The following SYT10 variants were observed in gnomAD, a reference collection of about 807,000 sequenced individuals.
The protein encoded by SYT10 is synaptotagmin-10.
A neutral mutation model predicts 51.1 loss-of-function variants in SYT10; 31 were observed. The observed-to-expected ratio is 0.61, with a 90% CI of 0.46 to 0.82. The LOEUF is 0.82. Ranked by LOEUF, SYT10 falls within the 40% of genes least tolerant of loss-of-function variation. SYT10 has a pLI of 0.00. For synonymous variants in SYT10, 233 were observed against 225.9 expected (o/e 1.03, Z -0.28); for missense variants, 603 against 634.0 (o/e 0.95, Z 0.53).
intron 2 of SYT10, chr12:33,424,089 G>A (rs1866529007): frequency 2.3e-6 from 1 of 433,728 alleles, no homozygotes; most frequent in African/African-American, 2.0e-5. Context: ...GTGTGTTGCA[G>A]TTTTTCCTCT....
intron 2 of SYT10, among the ~76,000 whole-genome samples, chr12:33,412,037 C>T (rs1866410835): frequency 6.6e-6 from 1 of 152,040 alleles, no homozygotes; most frequent in South Asian, 2.1e-4. Flanking sequence ...AAATCACTTT[C>T]AGTTATGCAA....
In SYT10 at chr12:33,423,335, TTA is replaced by T. The variant is rs942381990; in HGVS notation, c.509+2801_509+2802del. On this transcript the variant is annotated intron_variant, in intron 2 of 6. Transcript: ENST00000228567. ...GTGTGTGTGTGTGCATCTGTGTGTG[TTA>T]TGTGTGTGTGTGTGCGTGCCTGTGC... 6.6e-3 allele frequency among the ~76,000 whole-genome samples: 996 copies of T among 151,614 alleles called. 10 individuals are homozygous for T. Among genetic ancestry groups the T allele is most frequent in the African/African-American group, 0.022 (913 of 41,348 alleles).
chr12:33,403,517 G>A (rs548521510), intron 3 of SYT10, among the ~76,000 whole-genome samples: 67 of 152,276 alleles, frequency 4.4e-4, no homozygotes, highest in African/African-American at 1.5e-3. Context: ...TTACAGGCAT[G>A]AGCCACTGTG....
intron 3 of SYT10, among the ~76,000 whole-genome samples, chr12:33,385,671 A>G (rs750670953): frequency 6.6e-6 from 1 of 152,178 alleles, no homozygotes; most frequent in Non-Finnish European, 1.5e-5. Flanking sequence ...TCCTCACCCT[A>G]TGAGCAACCC....
intron 3 of SYT10, among the ~76,000 whole-genome samples, chr12:33,390,476 T>C (rs778868952): frequency 6.6e-6 from 1 of 152,172 alleles, no homozygotes; most frequent in Non-Finnish European, 1.5e-5. Context: ...ACATGACACA[T>C]GTGGCCCCTA....
intron 5 of SYT10, among the ~76,000 whole-genome samples, chr12:33,382,088 A>G (rs1188429380): frequency 2.0e-5 from 3 of 152,194 alleles, no homozygotes; most frequent in South Asian, 2.1e-4. Flanking sequence ...ACTCCACAAT[A>G]GTGCTTTCTT....
intron 2 of SYT10, 119 bp from the exon 3 acceptor site, chr12:33,407,475 A>G (rs542767662): frequency 7.0e-6 from 7 of 1,002,808 alleles, no homozygotes; most frequent in South Asian, 1.7e-5. Context: ...CTATATCTAC[A>G]TAGATAGACA....
chr12:33,381,111 G>C (rs1246793016), intron 5 of SYT10, among the ~76,000 whole-genome samples: 1 of 152,128 alleles, frequency 6.6e-6, no homozygotes, highest in Non-Finnish European at 1.5e-5. Flanking sequence ...ATCAATAGGG[G>C]TAATTGGCAA....
In SYT10 at chr12:33,426,368, G is replaced by A. The variant is rs1866552618; in HGVS notation, c.279C>T (p.Ile93=). Residue 93 remains isoleucine, a synonymous_variant, in exon 2 of 7, where the codon ATC becomes ATT. Transcript: ENST00000228567. ...CWKSKPVTSN[I]TTLPQSISSA... ...TTGAAATGCTCTGTGGAAGCGTAGT[G>A]ATGTTGGAAGTCACAGGTTTGCTTT... 6.2e-7 allele frequency: 1 copy of A among 1,613,954 alleles called. No individual in the cohort carries two copies.
At chr12:33,430,849 A>T (rs1165248325) in intron 1 of SYT10, among the ~76,000 whole-genome samples, 1 of 152,186 alleles carries the variant, frequency 6.6e-6, no homozygotes, top group Non-Finnish European at 1.5e-5. Flanking sequence ...TTTTGGGATT[A>T]TCTTTGAAGT....
Position 33,375,850 on chromosome 12 carries a change from T to C in SYT10, c.*980A>G, listed in dbSNP as rs754339543. The C allele has an allele frequency of 2.6e-5, 4 of 152,566 alleles. No homozygotes were observed. Among genetic ancestry groups the C allele is most frequent in the Non-Finnish European group, 4.4e-5 (3 of 67,990 alleles). 9.5% of individuals were successfully genotyped at this position (152,566 alleles called of 1,614,324 possible). A position where few individuals can be genotyped will look rare whatever the true frequency, so the allele number is the denominator to read the frequency against. On this transcript the variant is annotated 3_prime_UTR_variant, in exon 7 of 7. Coordinates refer to ENST00000228567, the MANE Select transcript of SYT10 (RefSeq NM_198992.4). ...CCATTACTGTGTACAATCTAAACGG[T>C]GATGAACACAGACAGTGTTGTTGTT...
intron 2 of SYT10, among the ~76,000 whole-genome samples, chr12:33,417,258 T>C (rs1242002191): frequency 6.6e-6 from 1 of 152,122 alleles, no homozygotes; most frequent in Non-Finnish European, 1.5e-5. Flanking sequence ...ATTAAATCCA[T>C]TCATGAATCA....
rs1866049453 is a variant in SYT10 at position 33,374,822 on chromosome 12, C to T, written c.*2008G>A. The stretch of plus-strand genomic sequence containing the variant: ...TTTCTCCTTAGGGAGTAAAGAAAAG[C>T]GAGTTTCTAAGAATCAACAAAAAGT... On this transcript the variant is annotated 3_prime_UTR_variant, in exon 7 of 7. Transcript: ENST00000228567. The T allele has an allele frequency of 6.6e-6, 1 of 151,728 alleles. No individual in the cohort carries two copies. The highest frequency in any genetic ancestry group is 1.5e-5 in the Non-Finnish European group (1 of 67,844). The allele number at this position is 151,728 out of a possible 1,614,324, so 9.4% of individuals were successfully genotyped here.
chr12:33,435,527 C>T (rs1485486531), intron 1 of SYT10, among the ~76,000 whole-genome samples: 1 of 152,148 alleles, frequency 6.6e-6, no homozygotes, highest in Non-Finnish European at 1.5e-5. Context: ...TCAAACAGGC[C>T]TATCATTCTG....
intron 3 of SYT10, among the ~76,000 whole-genome samples, chr12:33,386,633 C>T (rs1181149482): frequency 6.6e-6 from 1 of 152,102 alleles, no homozygotes; most frequent in East Asian, 1.9e-4. Flanking sequence ...CCTTCATATC[C>T]TATACTCACC....
intron 6 of SYT10, among the ~76,000 whole-genome samples, chr12:33,379,517 C>T (rs1866094458): frequency 7.8e-6 from 1 of 128,440 alleles, no homozygotes; most frequent in African/African-American, 3.0e-5. Context: ...TAGATTGCTC[C>T]AGCACTCACT....
chr12:33,386,343 T>C (rs74935194), intron 3 of SYT10, among the ~76,000 whole-genome samples: 2,075 of 152,282 alleles, frequency 0.014, 66 homozygotes, highest in African/African-American at 0.048. Flanking sequence ...TTATGTCATC[T>C]GGGCCCTACC....
At chr12:33,410,891 C>T (rs1286191822) in intron 2 of SYT10, among the ~76,000 whole-genome samples, 2 of 152,098 alleles carry the variant, frequency 1.3e-5, no homozygotes, top group East Asian at 1.9e-4. Flanking sequence ...AGTTAGGATG[C>T]CTTTGCTCTT....
chr12:33,439,325 G>A (rs1866664241), intron 1 of SYT10, 47 bp downstream of exon 1: 2 of 1,576,036 alleles, frequency 1.3e-6, no homozygotes, highest in Non-Finnish European at 1.7e-6. Flanking sequence ...CCTAGCGCGC[G>A]GGGTCCCAGC....
Sources: gnomAD v4.1 joint callset for allele counts (sites outside exome capture counted in the v4.1 genomes callset) on GRCh38, gnomAD v4.1.1 for gene constraint, MANE v1.5 for transcripts, NCBI Gene and HGNC (gene_info 2026-07-23, HGNC 2026-07-21) for gene names.